NOL4: variants seen among roughly 807,000 people sequenced by gnomAD.
NOL4 encodes nucleolar protein 4.
A neutral mutation model predicts 75.9 loss-of-function variants in NOL4; 17 were observed. That is an observed-to-expected ratio of 0.22 (90% CI 0.15 to 0.34). The LOEUF (loss-of-function observed/expected upper bound fraction) is 0.34. NOL4 is among the 10% of genes least tolerant of loss of function. NOL4 has a pLI of 1.00. For synonymous variants in NOL4, 292 were observed against 289.9 expected, an observed-to-expected ratio of 1.01 and a Z score of -0.07; for missense variants, 614 against 793.5, an observed-to-expected ratio of 0.77 and a Z score of 2.72.
rs769746861 is a variant in NOL4 at position 34,223,261 on chromosome 18, G to A, written c.-8C>T. 1 of 1,612,100 alleles carries A rather than the reference G, an allele frequency of 6.2e-7. No homozygotes were observed. Among genetic ancestry groups the A allele is most frequent in the Non-Finnish European group, 8.5e-7 (1 of 1,179,458 alleles). On this transcript the variant is annotated 5_prime_UTR_variant, in exon 1 of 11. Coordinates refer to ENST00000261592, the MANE Select transcript of NOL4 (RefSeq NM_003787.5). ...GTCGCGCTCGCTCTCCATGTTCCCC[G>A]CGCTCGGCCGCTGGCCGGATGCTCC...
chr18:34,079,426 G>C (rs1468849380), intron 5 of NOL4, among the ~76,000 whole-genome samples: 1 of 151,854 alleles, frequency 6.6e-6, no homozygotes, highest in Admixed American at 6.6e-5. Flanking sequence ...AGGCTGGAGT[G>C]TGTATCTGTG....
intron 9 of NOL4, among the ~76,000 whole-genome samples, chr18:33,922,209 A>G (rs2067082655): frequency 6.6e-6 from 1 of 152,216 alleles, no homozygotes; most frequent in Non-Finnish European, 1.5e-5. Flanking sequence ...GTCACCCAAG[A>G]TAATAAATTC....
chr18:33,860,843 A>AT (rs1178577509), intron 10 of NOL4, among the ~76,000 whole-genome samples: 2 of 152,034 alleles, frequency 1.3e-5, no homozygotes, highest in African/African-American at 4.8e-5. Context: ...TTTAGCATGA[A>AT]GAGTTGTTGA....
At chr18:34,041,365 C>A (rs1431798805) in intron 5 of NOL4, among the ~76,000 whole-genome samples, 5 of 151,926 alleles carry the variant, frequency 3.3e-5, no homozygotes, top group African/African-American at 1.2e-4. Context: ...CCCCCAATCC[C>A]TACTGTGAAG....
intron 5 of NOL4, among the ~76,000 whole-genome samples, chr18:34,072,865 CACAAAACA>C (rs2077581659): frequency 6.6e-6 from 1 of 152,062 alleles, no homozygotes; most frequent in Non-Finnish European, 1.5e-5. Flanking sequence ...AGTAAGAAAT[CACAAAACA>C]TTGTAAAATA....
intron 2 of NOL4, among the ~76,000 whole-genome samples, chr18:34,106,269 T>C (rs1168217035): frequency 6.6e-6 from 1 of 152,084 alleles, no homozygotes; most frequent in Non-Finnish European, 1.5e-5. Flanking sequence ...CAACTTTGCT[T>C]AGCCAGGCTA....
chr18:34,178,015 C>A (rs573908688), intron 1 of NOL4, among the ~76,000 whole-genome samples: 1 of 151,714 alleles, frequency 6.6e-6, no homozygotes, highest in Non-Finnish European at 1.5e-5. Flanking sequence ...TTTTTCCTAC[C>A]TAGCTTAAAA....
At chr18:33,995,145 A>T (rs1362673044) in intron 6 of NOL4, among the ~76,000 whole-genome samples, 7 of 151,626 alleles carry the variant, frequency 4.6e-5, no homozygotes, top group African/African-American at 1.7e-4. Context: ...AGAAAAGCCA[A>T]GTCCCAAATT....
intron 1 of NOL4, chr18:34,222,295 T>C (rs1239092094): frequency 2.3e-6 from 3 of 1,323,398 alleles, no homozygotes; most frequent in Non-Finnish European, 2.9e-6. Flanking sequence ...TTGTTGTTCA[T>C]CTTCTAGCTG....
At chr18:34,187,568 T>C (rs990440724) in intron 1 of NOL4, among the ~76,000 whole-genome samples, 1 of 152,056 alleles carries the variant, frequency 6.6e-6, no homozygotes, top group Non-Finnish European at 1.5e-5. Flanking sequence ...TTGTATTTTT[T>C]AGTAGAGACG....
chr18:33,899,845 G>A (rs903059918), intron 9 of NOL4, among the ~76,000 whole-genome samples: 1 of 152,078 alleles, frequency 6.6e-6, no homozygotes, highest in Non-Finnish European at 1.5e-5. Context: ...CTTTGTTTTT[G>A]TGGGCCCTGG....
chr18:33,852,691 A>G lies in NOL4; in HGVS notation c.*151T>C, dbSNP rs1161700422. ...GAGTTCCTTTGAAGCACCTTAACACATCACTTACGGATCAAGGACAATGTG... is the reference window on the plus strand; with the variant it reads ...GAGTTCCTTTGAAGCACCTTAACACGTCACTTACGGATCAAGGACAATGTG... On this transcript the variant is annotated 3_prime_UTR_variant, in exon 11 of 11. Transcript: ENST00000261592. The G allele has an allele frequency of 4.4e-6, 3 of 689,592 alleles. No homozygotes were observed. The highest frequency in any genetic ancestry group is 5.5e-5 in the East Asian group (2 of 36,312). The allele number at this position is 689,592 out of a possible 1,614,324, so 42.7% of individuals were successfully genotyped here.
intron 6 of NOL4, among the ~76,000 whole-genome samples, chr18:33,983,998 A>G (rs2072218743): frequency 6.6e-6 from 1 of 152,134 alleles, no homozygotes; most frequent in Non-Finnish European, 1.5e-5. Context: ...ATAATTTGAG[A>G]CAGACTAAAG....
intron 6 of NOL4, among the ~76,000 whole-genome samples, chr18:34,008,584 C>T (rs777542980): frequency 2.6e-5 from 4 of 151,946 alleles, no homozygotes; most frequent in South Asian, 2.1e-4. Flanking sequence ...AATTATTTTA[C>T]GTGAAGTTTG....
At chr18:33,906,659 T>C (rs187681421) in intron 9 of NOL4, among the ~76,000 whole-genome samples, 1 of 152,342 alleles carries the variant, frequency 6.6e-6, no homozygotes, top group Admixed American at 6.5e-5. Flanking sequence ...AATATATGTA[T>C]CTGTTGAATA....
At chr18:34,024,194 A>AAAAAATATATATATATATATATATAT in intron 5 of NOL4, among the ~76,000 whole-genome samples, 3 of 70,686 alleles carry the variant, frequency 4.2e-5, no homozygotes, top group African/African-American at 1.1e-4. Context: ...AAAAAAAAAA[A>AAAAAATATATATATATATATATATAT]ATATATATAT....
chr18:33,866,503 CCTTTCTAAT>C (rs2063435339), intron 10 of NOL4, among the ~76,000 whole-genome samples: 1 of 152,090 alleles, frequency 6.6e-6, no homozygotes, highest in Non-Finnish European at 1.5e-5. Context: ...GCCACATTGG[CCTTTCTAAT>C]CTTTCCTCTA....
intron 5 of NOL4, among the ~76,000 whole-genome samples, chr18:34,028,656 A>G (rs1021263107): frequency 6.6e-6 from 1 of 152,228 alleles, no homozygotes; most frequent in Non-Finnish European, 1.5e-5. Flanking sequence ...TTAAGGGCCA[A>G]TGACCACATC....
chr18:33,910,375 G>A lies in NOL4; in HGVS notation c.1543-26951C>T, dbSNP rs762580092. Among the ~76,000 whole-genome samples the A allele has an allele frequency of 7.9e-5, 12 of 152,184 alleles. No homozygotes were observed. The South Asian group carries it at 1.0e-3, about 13-fold the overall frequency. ...TCTAGTGTTTGAAAGATAACAGTGCGTGGCCTATTTATTTCCCGGTATCCT... is the reference window on the plus strand; with the variant it reads ...TCTAGTGTTTGAAAGATAACAGTGCATGGCCTATTTATTTCCCGGTATCCT... On this transcript the variant is annotated intron_variant, in intron 9 of 10. Coordinates refer to ENST00000261592, the MANE Select transcript of NOL4 (RefSeq NM_003787.5).
Sources: gnomAD v4.1 joint callset for allele counts (sites outside exome capture counted in the v4.1 genomes callset) on GRCh38, gnomAD v4.1.1 for gene constraint, MANE v1.5 for transcripts, NCBI Gene and HGNC (gene_info 2026-07-23, HGNC 2026-07-21) for gene names.